WDR70: variants seen among roughly 807,000 people sequenced by gnomAD.
WDR70 encodes WD repeat-containing protein 70.
Under a neutral mutation model 88.6 loss-of-function variants are expected in WDR70, and 53 were observed. That is an observed-to-expected ratio of 0.60 (90% CI 0.48 to 0.75). The LOEUF (loss-of-function observed/expected upper bound fraction) is 0.75. Ranked by LOEUF, WDR70 falls within the 30% of genes least tolerant of loss-of-function variation. WDR70 has a pLI of 0.00. For missense variants in WDR70, 610 were observed against 823.2 expected, an observed-to-expected ratio of 0.74 and a Z score of 3.17; for synonymous variants, 280 against 270.0, an observed-to-expected ratio of 1.04 and a Z score of -0.36.
intron 8 of WDR70, among the ~76,000 whole-genome samples, chr5:37,484,136 T>C (rs1329814031): frequency 1.3e-5 from 2 of 150,310 alleles, no homozygotes; most frequent in African/African-American, 2.5e-5. Flanking sequence ...AGACGCTCCT[T>C]ACTTCCCAGA....
At chr5:37,729,206 G>A (rs180716948) in intron 17 of WDR70, among the ~76,000 whole-genome samples, 177 of 152,164 alleles carry the variant, frequency 1.2e-3, no homozygotes, top group African/African-American at 4.1e-3. Flanking sequence ...TTCTGGAATC[G>A]ACCACTTCTC....
At chr5:37,616,951 A>T (rs995174858) in intron 10 of WDR70, among the ~76,000 whole-genome samples, 1 of 152,138 alleles carries the variant, frequency 6.6e-6, no homozygotes, top group African/African-American at 2.4e-5. Flanking sequence ...TGTTTGCTTT[A>T]GCCTTCAGTA....
intron 17 of WDR70, among the ~76,000 whole-genome samples, chr5:37,733,624 G>A (rs918123890): frequency 6.6e-6 from 1 of 151,832 alleles, no homozygotes; most frequent in Non-Finnish European, 1.5e-5. Context: ...CATTGTTGTA[G>A]CGCTGCCTGT....
chr5:37,691,248 T>C (rs1010699878), intron 10 of WDR70, among the ~76,000 whole-genome samples: 5 of 152,102 alleles, frequency 3.3e-5, no homozygotes, highest in African/African-American at 4.8e-5. Flanking sequence ...ATACTTAGAC[T>C]CCCACACATT....
chr5:37,438,001 T>A lies in WDR70; in HGVS notation c.552+20T>A. On this transcript the variant is annotated intron_variant, in intron 6 of 17. Transcript: ENST00000265107. The stretch of plus-strand genomic sequence containing the variant: ...AAAACAGTAAGTTTAAAAATCTAGT[T>A]TTTTCCTCTCTCAAATTACAGGGCT... The A allele has an allele frequency of 6.3e-7, 1 of 1,598,656 alleles. No homozygotes were observed. Among genetic ancestry groups the A allele is most frequent in the Non-Finnish European group, 8.5e-7 (1 of 1,172,188 alleles).
At chr5:37,670,032 G>A (rs906846023) in intron 10 of WDR70, among the ~76,000 whole-genome samples, 2 of 152,142 alleles carry the variant, frequency 1.3e-5, no homozygotes, top group African/African-American at 2.4e-5. Flanking sequence ...AAAAAAGGGA[G>A]TGATTGTGAT....
At chr5:37,739,914 A>G (rs1748424922) in intron 17 of WDR70, among the ~76,000 whole-genome samples, 1 of 152,170 alleles carries the variant, frequency 6.6e-6, no homozygotes, top group African/African-American at 2.4e-5. Context: ...CAAGCAGCCC[A>G]GAAAGGAAAC....
chr5:37,641,622 G>T (rs905606011), intron 10 of WDR70, among the ~76,000 whole-genome samples: 3 of 151,848 alleles, frequency 2.0e-5, no homozygotes, highest in African/African-American at 7.3e-5. Flanking sequence ...TCTCCATGTT[G>T]ACCAGGCTGG....
chr5:37,652,384 C>G (rs922978014), intron 10 of WDR70, among the ~76,000 whole-genome samples: 1 of 152,156 alleles, frequency 6.6e-6, no homozygotes, highest in Non-Finnish European at 1.5e-5. Flanking sequence ...ATGCCTCCAG[C>G]TTTGTTCTTT....
chr5:37,472,579 C>T (rs1452101207), intron 7 of WDR70, among the ~76,000 whole-genome samples: 1 of 152,026 alleles, frequency 6.6e-6, no homozygotes, highest in African/African-American at 2.4e-5. Flanking sequence ...ACTGCAACCT[C>T]TGCCTCCCGG....
chr5:37,706,352 C>T (rs1266387137), intron 13 of WDR70, among the ~76,000 whole-genome samples: 3 of 152,158 alleles, frequency 2.0e-5, no homozygotes, highest in Admixed American at 6.5e-5. Flanking sequence ...TGCATTTCCT[C>T]AAATTATACA....
At chr5:37,503,239 T>TC (rs2112224602) in intron 8 of WDR70, among the ~76,000 whole-genome samples, 1 of 150,438 alleles carries the variant, frequency 6.6e-6, no homozygotes, top group South Asian at 2.1e-4. Context: ...CCCTCCTTTT[T>TC]CTCAATCTTT....
intron 9 of WDR70, among the ~76,000 whole-genome samples, chr5:37,592,206 A>C (rs1403612841): frequency 6.6e-6 from 1 of 152,224 alleles, no homozygotes; most frequent in Non-Finnish European, 1.5e-5. Context: ...TATGTTTCGT[A>C]ATACATTATA....
chr5:37,662,065 A>T (rs747028536), intron 10 of WDR70, among the ~76,000 whole-genome samples: 7 of 152,226 alleles, frequency 4.6e-5, no homozygotes, highest in African/African-American at 7.2e-5. Flanking sequence ...CACGCCCATG[A>T]ATGAGCAAGG....
chr5:37,708,053 G>GA (rs1020137209), intron 13 of WDR70, among the ~76,000 whole-genome samples: 4 of 123,498 alleles, frequency 3.2e-5, no homozygotes, highest in Admixed American at 1.0e-4. Flanking sequence ...TTTTAAGGAA[G>GA]AAAAAACCTC....
chr5:37,701,560 C>T (rs970272818), intron 12 of WDR70, among the ~76,000 whole-genome samples: 3 of 151,980 alleles, frequency 2.0e-5, no homozygotes, highest in African/African-American at 4.8e-5. Flanking sequence ...GAGGCCGAGG[C>T]GGGCAGATCA....
intron 6 of WDR70, among the ~76,000 whole-genome samples, chr5:37,440,116 G>T (rs1750608338): frequency 6.6e-6 from 1 of 152,038 alleles, no homozygotes; most frequent in Non-Finnish European, 1.5e-5. Context: ...ACTCTTAGGA[G>T]AATTATCATC....
chr5:37,607,878 C>T (rs553596753), intron 10 of WDR70, among the ~76,000 whole-genome samples: 43 of 152,206 alleles, frequency 2.8e-4, no homozygotes, highest in East Asian at 5.8e-4. Context: ...CCTTGATTCT[C>T]TACTTCCCAT....
At chr5:37,686,977 A>ATAG (rs1306520056) in intron 10 of WDR70, among the ~76,000 whole-genome samples, 22 of 150,686 alleles carry the variant, frequency 1.5e-4, no homozygotes, top group African/African-American at 5.4e-4. Flanking sequence ...AATAATAATA[A>ATAG]TAATAATAAG....
Sources: allele counts gnomAD v4.1 joint callset (sites outside exome capture counted in the v4.1 genomes callset), GRCh38; gene constraint gnomAD v4.1.1; transcripts MANE v1.5; gene names NCBI Gene and HGNC (gene_info 2026-07-23, HGNC 2026-07-21).